The following RPS6KC1 variants were observed in gnomAD, a reference collection of about 807,000 sequenced individuals.
RPS6KC1 encodes the protein ribosomal protein S6 kinase C1.
Under a neutral mutation model 103.8 loss-of-function variants are expected in RPS6KC1, and 54 were observed. That is an observed-to-expected ratio of 0.52 (90% CI 0.42 to 0.65). RPS6KC1 has a LOEUF of 0.65. Ranked by LOEUF, RPS6KC1 falls within the 30% of genes least tolerant of loss-of-function variation. The probability of loss-of-function intolerance (pLI) is 0.00; values close to 1 mark genes in which losing one functional copy is unlikely to be tolerated. For synonymous variants in RPS6KC1, 439 were observed against 438.7 expected (o/e 1.00, Z -0.01); for missense variants, 1,151 against 1,253.8 (o/e 0.92, Z 1.24).
chr1:213,277,265 C>T (rs541740926), downstream of RPS6KC1, among the ~76,000 whole-genome samples: 16 of 152,264 alleles, frequency 1.1e-4, no homozygotes, highest in African/African-American at 3.1e-4. Flanking sequence ...AATAGGAAAC[C>T]GGAGAGCAAG....
chr1:213,505,079 T>TG, the RPS6KC1 span, among the ~76,000 whole-genome samples: 4 of 152,150 alleles, frequency 2.6e-5, no homozygotes, highest in African/African-American at 9.7e-5. Context: ...ACCTAGCCTG[T>TG]GGGGCTTCGT....
chr1:213,073,975 G>A (rs552223468), intron 2 of RPS6KC1, among the ~76,000 whole-genome samples: 1 of 152,198 alleles, frequency 6.6e-6, no homozygotes, highest in Admixed American at 6.5e-5. Flanking sequence ...AATCATTTTA[G>A]AAAATAGGTA....
the RPS6KC1 span, among the ~76,000 whole-genome samples, chr1:213,517,505 G>C: frequency 6.6e-6 from 1 of 152,194 alleles, no homozygotes; most frequent in African/African-American, 2.4e-5. Context: ...TCATTCAGGA[G>C]CAGGTTGTTC....
chr1:213,306,807 G>A, the RPS6KC1 span, among the ~76,000 whole-genome samples: 1 of 152,176 alleles, frequency 6.6e-6, no homozygotes, highest in South Asian at 2.1e-4. Context: ...TAGGTAGTAG[G>A]CACTATACCA....
chr1:213,442,056 C>G, the RPS6KC1 span, among the ~76,000 whole-genome samples: 1 of 152,184 alleles, frequency 6.6e-6, no homozygotes, highest in Non-Finnish European at 1.5e-5. Context: ...GTAACAGTGG[C>G]TCTTTAAGAT....
At chr1:213,664,130 G>A in the RPS6KC1 span, among the ~76,000 whole-genome samples, 1 of 147,508 alleles carries the variant, frequency 6.8e-6, no homozygotes, top group African/African-American at 2.5e-5. Context: ...AGCTCCCCAT[G>A]GCACACTGAT....
chr1:213,774,477 C>A, the RPS6KC1 span, among the ~76,000 whole-genome samples: 1 of 152,140 alleles, frequency 6.6e-6, no homozygotes, highest in Non-Finnish European at 1.5e-5. Flanking sequence ...ATTCTAATGG[C>A]AGAACAGACA....
chr1:213,084,223 C>T lies in RPS6KC1; in HGVS notation c.262+6407C>T, dbSNP rs370884751. Among the ~76,000 whole-genome samples the T allele has an allele frequency of 5.3e-5, 8 of 151,902 alleles. No individual in the cohort carries two copies. In the East Asian group the frequency reaches 5.8e-4, roughly 11 times the overall value. The stretch of plus-strand genomic sequence containing the variant: ...AGCACACACATATAAAATATATGCA[C>T]GTAATTTTACATTATTTTAAGTTTT... On this transcript the variant is annotated intron_variant, in intron 3 of 14. Coordinates refer to ENST00000366960, the MANE Select transcript of RPS6KC1 (RefSeq NM_012424.6).
intron 8 of RPS6KC1, among the ~76,000 whole-genome samples, chr1:213,210,750 AT>A: frequency 6.6e-6 from 1 of 152,372 alleles, no homozygotes; most frequent in Middle Eastern, 3.4e-3. Flanking sequence ...CACTGAACAC[AT>A]TTAAAAATAA....
At chr1:213,495,410 C>T in the RPS6KC1 span, among the ~76,000 whole-genome samples, 2 of 152,150 alleles carry the variant, frequency 1.3e-5, no homozygotes, top group Non-Finnish European at 1.5e-5. Context: ...CACCCTCTGC[C>T]TCCCGGGTTC....
the RPS6KC1 span, among the ~76,000 whole-genome samples, chr1:213,849,709 C>A: frequency 1.3e-5 from 2 of 152,112 alleles, no homozygotes; most frequent in African/African-American, 4.8e-5. Context: ...TTCTCAAGAT[C>A]TATAATACTG....
chr1:213,548,675 A>AAAAAAGG, the RPS6KC1 span, among the ~76,000 whole-genome samples: 2 of 152,222 alleles, frequency 1.3e-5, no homozygotes, highest in East Asian at 1.9e-4. Flanking sequence ...AAGAAAAAAG[A>AAAAAAGG]AAAGCAAAGA....
intron 13 of RPS6KC1, among the ~76,000 whole-genome samples, chr1:213,262,219 A>T (rs1323016612): frequency 1.3e-5 from 2 of 152,192 alleles, no homozygotes; most frequent in Non-Finnish European, 2.9e-5. Flanking sequence ...GAAGGAAATG[A>T]ACAGTTACAC....
the RPS6KC1 span, among the ~76,000 whole-genome samples, chr1:213,647,709 A>G: frequency 6.6e-6 from 1 of 152,340 alleles, no homozygotes. Flanking sequence ...TTCTGTTCAC[A>G]GCGTCCCTAG....
the RPS6KC1 span, among the ~76,000 whole-genome samples, chr1:213,829,586 T>TA: frequency 6.6e-6 from 1 of 152,070 alleles, no homozygotes; most frequent in Non-Finnish European, 1.5e-5. Context: ...GGTCAGAAAT[T>TA]GGGGATTGAC....
At chr1:213,078,913 G>A (rs2079603046) in intron 3 of RPS6KC1, among the ~76,000 whole-genome samples, 1 of 151,770 alleles carries the variant, frequency 6.6e-6, no homozygotes, top group African/African-American at 2.4e-5. Flanking sequence ...TAATATTTTG[G>A]CATATTATTC....
At chr1:213,279,910 G>A in the RPS6KC1 span, among the ~76,000 whole-genome samples, 1 of 152,314 alleles carries the variant, frequency 6.6e-6, no homozygotes, top group South Asian at 2.1e-4. Flanking sequence ...GGAACTCTGA[G>A]GGCTGCCACA....
chr1:213,113,783 G>T (rs974151698), intron 4 of RPS6KC1, among the ~76,000 whole-genome samples: 1 of 152,088 alleles, frequency 6.6e-6, no homozygotes, highest in African/African-American at 2.4e-5. Context: ...CATATGGCTA[G>T]CCAGTTTTCC....
the RPS6KC1 span, among the ~76,000 whole-genome samples, chr1:213,742,427 A>G: frequency 7.2e-5 from 11 of 152,222 alleles, no homozygotes; most frequent in African/African-American, 2.7e-4. Flanking sequence ...ATTCTTTAGG[A>G]AGTGCACACC....
Sources: allele counts gnomAD v4.1 joint callset (sites outside exome capture counted in the v4.1 genomes callset), GRCh38; gene constraint gnomAD v4.1.1; transcripts MANE v1.5; gene names NCBI Gene and HGNC (gene_info 2026-07-23, HGNC 2026-07-21).